THADA: variants seen among roughly 807,000 people sequenced by gnomAD.
The protein encoded by THADA is THADA armadillo repeat containing.
A neutral mutation model predicts 219.8 loss-of-function variants in THADA; 213 were observed. The observed-to-expected ratio is 0.97, with a 90% CI of 0.87 to 1.09. The LOEUF is 1.09. THADA is among the 50% of genes least tolerant of loss of function. The pLI, the probability that THADA is intolerant of heterozygous loss-of-function variation, is 0.00. For synonymous variants in THADA, 1,018 were observed against 828.9 expected (o/e 1.23, Z -3.92); for missense variants, 2,956 against 2,311.3 (o/e 1.28, Z -5.72).
chr2:43,358,913 G>T (rs1228192451), intron 29 of THADA, among the ~76,000 whole-genome samples: 1 of 152,122 alleles, frequency 6.6e-6, no homozygotes, highest in African/African-American at 2.4e-5. Context: ...ATCTTTAAAA[G>T]TCAAAAAGTG....
chr2:43,473,451 C>T (rs1300118821), intron 26 of THADA, among the ~76,000 whole-genome samples: 3 of 152,054 alleles, frequency 2.0e-5, no homozygotes, highest in African/African-American at 4.8e-5. Flanking sequence ...CTTCTGGATA[C>T]CCCCGAAGGA....
rs753830995 is a variant in THADA, at chr2:43,397,979, G to A, written c.4219C>T (p.Leu1407Phe). 16 of 1,613,726 alleles carry A rather than the reference G, an allele frequency of 9.9e-6. No individual in the cohort carries two copies. Among genetic ancestry groups the A allele is most frequent in the East Asian group, 8.9e-5 (4 of 44,902 alleles). The change falls in exon 29 of 38, where the codon CTT becomes TTT. Residue 1407 changes from leucine to phenylalanine, a missense_variant. Transcript: ENST00000405975. ...AAAGCAACTTTACTTACCTGGAGAA[G>A]TGTCCCATGAATGTGGTTTTGCCGG... ...CFRQNHIHGT[L>F]LQVFHLLQAY...
chr2:43,387,368 T>C (rs894528992), intron 29 of THADA, among the ~76,000 whole-genome samples: 1 of 152,196 alleles, frequency 6.6e-6, no homozygotes, highest in African/African-American at 2.4e-5. Flanking sequence ...AAAAGTGAGC[T>C]GGCTTATATG....
chr2:43,342,888 T>C (rs1667207525), intron 30 of THADA: 1 of 152,136 alleles, frequency 6.6e-6, no homozygotes, highest in Non-Finnish European at 1.5e-5. Flanking sequence ...TTACTTGACT[T>C]GCCACAGAAG....
At chr2:43,339,601 C>A (rs74508793) in intron 30 of THADA, among the ~76,000 whole-genome samples, 1 of 152,170 alleles carries the variant, frequency 6.6e-6, no homozygotes, top group Non-Finnish European at 1.5e-5. Flanking sequence ...ATTTAGTTCA[C>A]TAAGTTTACC....
chr2:43,251,596 T>C (rs1331551039), intron 36 of THADA, among the ~76,000 whole-genome samples: 3 of 152,180 alleles, frequency 2.0e-5, no homozygotes, highest in African/African-American at 7.2e-5. Flanking sequence ...TGTGGGACTG[T>C]GTACTCCCGA....
intron 26 of THADA, among the ~76,000 whole-genome samples, chr2:43,432,182 G>T (rs1376034488): frequency 6.7e-6 from 1 of 149,692 alleles, no homozygotes; most frequent in Non-Finnish European, 1.5e-5. Context: ...ATTGGAGACG[G>T]GGTTTCACCG....
intron 31 of THADA, among the ~76,000 whole-genome samples, chr2:43,310,219 C>CCTT (rs1553382735): frequency 9.2e-5 from 8 of 87,072 alleles, no homozygotes; most frequent in African/African-American, 2.6e-4. Flanking sequence ...CCCTCCCTCC[C>CCTT]TTTCCCGCCC....
rs1005400822 is a variant in THADA, at chr2:43,233,159, T to C, written c.5297-277A>G. The C allele has an allele frequency of 4.1e-5, 16 of 394,166 alleles. 1 individual carries two copies. Among genetic ancestry groups the C allele is most frequent in the African/African-American group, 2.6e-4 (13 of 50,656 alleles). The allele number at this position is 394,166 out of a possible 1,614,324, so 24.4% of individuals were successfully genotyped here. ...TTCCATCTGCAGGATTAGAGAGTTA[T>C]CTCCCCTCTGCTCCTCCAGTGTCAC... On this transcript the variant is annotated intron_variant, in intron 36 of 37. Coordinates refer to ENST00000405975, the MANE Select transcript of THADA (RefSeq NM_022065.5).
intron 29 of THADA, among the ~76,000 whole-genome samples, chr2:43,364,080 T>C (rs1013432112): frequency 7.1e-6 from 1 of 141,674 alleles, no homozygotes; most frequent in Non-Finnish European, 1.5e-5. Flanking sequence ...AAAAATTATA[T>C]GGGTGTGACG....
chr2:43,254,276 T>C (rs1670090866), intron 36 of THADA, among the ~76,000 whole-genome samples: 1 of 152,038 alleles, frequency 6.6e-6, no homozygotes, highest in African/African-American at 2.4e-5. Context: ...CCAAGAAAAG[T>C]GTGAGCTGAT....
At chr2:43,413,340 T>A (rs1394092008) in intron 28 of THADA, among the ~76,000 whole-genome samples, 3 of 152,012 alleles carry the variant, frequency 2.0e-5, no homozygotes. Context: ...CCCCGCCCCA[T>A]CACCAGTGAG....
intron 14 of THADA, among the ~76,000 whole-genome samples, 185 bp from the exon 15 acceptor site, chr2:43,567,006 A>T (rs1479262820): frequency 2.0e-5 from 3 of 152,146 alleles, no homozygotes; most frequent in Non-Finnish European, 4.4e-5. Context: ...CATAAGCTAT[A>T]TTATGACTTT....
intron 22 of THADA, among the ~76,000 whole-genome samples, chr2:43,519,382 T>C (rs780268685): frequency 6.6e-6 from 1 of 152,192 alleles, no homozygotes; most frequent in Non-Finnish European, 1.5e-5. Context: ...GATAAATCAC[T>C]TGATTCTCAG....
chr2:43,415,586 C>T (rs558951542), intron 28 of THADA, among the ~76,000 whole-genome samples: 1 of 152,252 alleles, frequency 6.6e-6, no homozygotes, highest in South Asian at 2.1e-4. Flanking sequence ...CTACTTAGAA[C>T]TCAGGAATAT....
chr2:43,361,736 G>T (rs921515375), intron 29 of THADA, among the ~76,000 whole-genome samples: 7 of 152,174 alleles, frequency 4.6e-5, no homozygotes, highest in African/African-American at 1.7e-4. Flanking sequence ...GTATGGCAAG[G>T]ATAAATTATG....
intron 29 of THADA, among the ~76,000 whole-genome samples, chr2:43,388,027 T>G (rs1672900483): frequency 6.6e-6 from 1 of 152,248 alleles, no homozygotes; most frequent in Non-Finnish European, 1.5e-5. Context: ...GTGTCCTTAG[T>G]AACTCAAATA....
intron 25 of THADA, among the ~76,000 whole-genome samples, chr2:43,488,858 T>A (rs950395132): frequency 2.0e-5 from 3 of 152,222 alleles, no homozygotes; most frequent in African/African-American, 7.2e-5. Context: ...TTATTTTCCA[T>A]GCATTTTATT....
Position 43,586,941 on chromosome 2 carries a change from G to A in THADA, c.364C>T (p.Leu122Phe), listed in dbSNP as rs371880874. The A allele has an allele frequency of 6.2e-7, 1 of 1,613,762 alleles. No homozygotes were observed. The highest frequency in any genetic ancestry group is 8.5e-7 in the Non-Finnish European group (1 of 1,179,806). Residue 122 changes from leucine (L) to phenylalanine (F), a missense_variant, in exon 5 of 38, where the codon CTT becomes TTT. By Grantham distance (22) the Leu-to-Phe change is conservative (BLOSUM62 0). Coordinates refer to ENST00000405975, the MANE Select transcript of THADA (RefSeq NM_022065.5). ...TCAGTAGTATTCAATTCTTCCTGAAGACGAGAAGTAAAACGGTGCATAGCC... is the reference window on the plus strand; with the variant it reads ...TCAGTAGTATTCAATTCTTCCTGAAAACGAGAAGTAAAACGGTGCATAGCC... Reference protein sequence around the residue: ...PEAMHRFTSRLQEELNTTDLY... With the variant: ...PEAMHRFTSRFQEELNTTDLY...
Sources: allele counts gnomAD v4.1 joint callset (sites outside exome capture counted in the v4.1 genomes callset), GRCh38; gene constraint gnomAD v4.1.1; transcripts MANE v1.5; gene names NCBI Gene and HGNC (gene_info 2026-07-23, HGNC 2026-07-21).